The following CAST variants were observed in gnomAD, a reference collection of about 807,000 sequenced individuals.
The protein encoded by CAST is MIR583 host.
A neutral mutation model predicts 119.6 loss-of-function variants in CAST; 76 were observed. That is an observed-to-expected ratio of 0.64 (90% confidence interval 0.53 to 0.77). The LOEUF (loss-of-function observed/expected upper bound fraction) is 0.77. Among genes scored for constraint, CAST ranks in the 30% least tolerant of loss-of-function variants. The pLI is 0.00. For synonymous variants in CAST, 319 were observed against 331.6 expected (o/e 0.96, Z 0.41); for missense variants, 953 against 946.5 (o/e 1.01, Z -0.09).
chr5:96,103,330 C>T, the CAST span, among the ~76,000 whole-genome samples: 1 of 145,518 alleles, frequency 6.9e-6, no homozygotes, highest in African/African-American at 2.5e-5. Context: ...GGTATATCTC[C>T]CAATGCTATC....
At chr5:96,040,577 C>T in the CAST span, among the ~76,000 whole-genome samples, 1 of 152,230 alleles carries the variant, frequency 6.6e-6, no homozygotes, top group East Asian at 1.9e-4. Context: ...GAGTTTTTAG[C>T]ATGAAGGGCT....
the CAST span, among the ~76,000 whole-genome samples, chr5:96,335,131 TCTC>T: frequency 6.6e-6 from 1 of 152,136 alleles, no homozygotes; most frequent in African/African-American, 2.4e-5. Flanking sequence ...AGCTTACTCA[TCTC>T]CTTCCCATTC....
chr5:96,741,035 T>C (rs1198249780), intron 13 of CAST: 1 of 594,608 alleles, frequency 1.7e-6, no homozygotes, highest in Non-Finnish European at 3.0e-6. Context: ...TGCATGTTCA[T>C]AATAATAGAA....
the CAST span, among the ~76,000 whole-genome samples, chr5:96,244,936 G>A: frequency 1.3e-5 from 2 of 152,024 alleles, no homozygotes; most frequent in African/African-American, 2.4e-5. Context: ...AATGGCATGC[G>A]GAGCAAAGAA....
At chr5:96,699,317 G>A (rs899535811) in intron 3 of CAST, among the ~76,000 whole-genome samples, 5 of 152,222 alleles carry the variant, frequency 3.3e-5, no homozygotes, top group African/African-American at 7.2e-5. Context: ...AGAAGACCAT[G>A]CTATTAAGAA....
rs1318646492 is a variant in CAST, at chr5:96,767,500, A to G, written c.2175+18A>G. 1 of 1,606,270 alleles carries G rather than the reference A, an allele frequency of 6.2e-7. No homozygotes were observed. Among genetic ancestry groups the G allele is most frequent in the Non-Finnish European group, 8.5e-7 (1 of 1,173,836 alleles). ...ATTCAAAGGTAAAGACCATAGGAAC[A>G]TATTTCCATTAAATTTTGTTTTATT... On this transcript the variant is annotated intron_variant, in intron 28 of 31. Coordinates refer to ENST00000675179, the MANE Select transcript of CAST (RefSeq NM_001750.7).
the CAST span, among the ~76,000 whole-genome samples, chr5:96,243,487 T>G: frequency 6.6e-6 from 1 of 152,138 alleles, no homozygotes; most frequent in Non-Finnish European, 1.5e-5. Context: ...TACACATGAT[T>G]TTTCCTTTTA....
At chr5:96,575,736 G>C (rs1188706550) in intron 1 of CAST, among the ~76,000 whole-genome samples, 2 of 151,512 alleles carry the variant, frequency 1.3e-5, no homozygotes, top group African/African-American at 4.9e-5. Context: ...TCACTCTTCT[G>C]GGCTCAAGCA....
chr5:96,497,074 T>C, the CAST span, among the ~76,000 whole-genome samples: 1,232 of 140,376 alleles, frequency 8.8e-3, 26 homozygotes, highest in African/African-American at 0.031. Context: ...TGTGTTCTCA[T>C]TGTTCAATTC....
chr5:96,655,133 T>C (rs568309464), intron 1 of CAST, among the ~76,000 whole-genome samples: 10 of 152,284 alleles, frequency 6.6e-5, no homozygotes, highest in Non-Finnish European at 1.2e-4. Flanking sequence ...TCAAGACCTA[T>C]AGGTGATCAG....
intron 26 of CAST, 74 bp from the exon 27 acceptor site, chr5:96,765,979 G>T: frequency 1.2e-6 from 1 of 846,292 alleles, no homozygotes; most frequent in Non-Finnish European, 2.0e-6. Context: ...AATGCTGAAT[G>T]CTGCATTTGA....
At chr5:96,027,984 C>A in the CAST span, among the ~76,000 whole-genome samples, 8,854 of 152,168 alleles carry the variant, frequency 0.058, 502 homozygotes, top group African/African-American at 0.14. Flanking sequence ...TGGAGATATT[C>A]TCCTTCTGAG....
chr5:96,401,285 G>A, the CAST span, among the ~76,000 whole-genome samples: 3 of 152,118 alleles, frequency 2.0e-5, no homozygotes, highest in Non-Finnish European at 2.9e-5. Context: ...TTGACAGGGG[G>A]TAGAGTGTTA....
At chr5:96,469,879 A>T in the CAST span, among the ~76,000 whole-genome samples, 4 of 107,418 alleles carry the variant, frequency 3.7e-5, no homozygotes, top group Non-Finnish European at 4.5e-5. Flanking sequence ...ATATATATAT[A>T]ATATATATAT....
At chr5:96,265,334 A>C in the CAST span, among the ~76,000 whole-genome samples, 2 of 152,004 alleles carry the variant, frequency 1.3e-5, no homozygotes, top group South Asian at 2.1e-4. Flanking sequence ...AATTTACTAC[A>C]TATATATGTA....
At chr5:96,423,584 G>A in the CAST span, 5,273 of 843,448 alleles carry the variant, frequency 6.3e-3, 179 homozygotes, top group African/African-American at 0.075. Context: ...TTTAGAAGAA[G>A]CCAATTCAGT....
the CAST span, among the ~76,000 whole-genome samples, chr5:96,502,818 C>G: frequency 6.6e-6 from 1 of 152,118 alleles, no homozygotes; most frequent in Non-Finnish European, 1.5e-5. Flanking sequence ...ATCAATATGA[C>G]TCCAACTCAC....
chr5:96,578,182 TTTG>T (rs1442766669), intron 1 of CAST, among the ~76,000 whole-genome samples: 3 of 152,174 alleles, frequency 2.0e-5, no homozygotes, highest in African/African-American at 7.2e-5. Flanking sequence ...AATGTCTCTC[TTTG>T]TTGTTAGCAA....
chr5:96,328,428 T>C, the CAST span, among the ~76,000 whole-genome samples: 4 of 138,784 alleles, frequency 2.9e-5, no homozygotes, highest in African/African-American at 5.5e-5. Flanking sequence ...TCTCTCTCTC[T>C]CTCCTTGTGA....
Sources: gnomAD v4.1 joint callset for allele counts (sites outside exome capture counted in the v4.1 genomes callset) on GRCh38, gnomAD v4.1.1 for gene constraint, MANE v1.5 for transcripts, NCBI Gene and HGNC (gene_info 2026-07-23, HGNC 2026-07-21) for gene names.